Variants in BCAS4 observed in about 807,000 individuals in gnomAD.
BCAS4 encodes the protein breast carcinoma amplified sequence 4, also known as breast carcinoma-amplified sequence 4.
A neutral mutation model predicts 15.7 loss-of-function variants in BCAS4; 9 were observed. That is an observed-to-expected ratio of 0.57 (90% confidence interval 0.34 to 1.00). BCAS4 has a LOEUF of 1.00. BCAS4 is among the 50% of genes least tolerant of loss of function. BCAS4 has a pLI of 0.02. For synonymous variants in BCAS4, 101 were observed against 99.5 expected (o/e 1.02, Z -0.09); for missense variants, 225 against 239.1 (o/e 0.94, Z 0.39).
chr20:50,879,630 C>G (rs1409805831), downstream of BCAS4: 2 of 152,214 alleles, frequency 1.3e-5, no homozygotes, highest in Non-Finnish European at 2.9e-5. Flanking sequence ...AGGCTTCTTT[C>G]TCCTCCCAGC....
chr20:50,867,490 G>A (rs552737757), intron 4 of BCAS4, among the ~76,000 whole-genome samples: 2 of 152,228 alleles, frequency 1.3e-5, no homozygotes, highest in South Asian at 2.1e-4. Flanking sequence ...AGGACTACAG[G>A]TGCATGCCAC....
intron 4 of BCAS4, chr20:50,846,520 G>C (rs1305277373): frequency 1.3e-5 from 2 of 151,524 alleles, no homozygotes; most frequent in Non-Finnish European, 2.9e-5. Flanking sequence ...TTCCGAGATG[G>C]CTTCTCAGTG....
At chr20:50,836,747 C>T (rs1250357942) in intron 3 of BCAS4, among the ~76,000 whole-genome samples, 49 of 152,108 alleles carry the variant, frequency 3.2e-4, no homozygotes, top group Admixed American at 3.1e-3. Flanking sequence ...TTTTTTGAGA[C>T]AAGTTCTCGC....
intron 3 of BCAS4, among the ~76,000 whole-genome samples, chr20:50,833,727 T>C (rs1233182318): frequency 1.3e-5 from 2 of 152,216 alleles, no homozygotes; most frequent in Admixed American, 6.5e-5. Flanking sequence ...CAAATCCTTG[T>C]CGTATTCAAC....
chr20:50,811,672 G>T (rs912080202), intron 1 of BCAS4, among the ~76,000 whole-genome samples: 2 of 152,166 alleles, frequency 1.3e-5, no homozygotes, highest in African/African-American at 4.8e-5. Flanking sequence ...GCCGAGGCTG[G>T]AGTGCAGTGG....
intron 1 of BCAS4, among the ~76,000 whole-genome samples, chr20:50,796,816 A>C (rs1426366692): frequency 6.7e-6 from 1 of 149,710 alleles, no homozygotes; most frequent in Admixed American, 6.7e-5. Context: ...TTTTAAAATA[A>C]TTTTTGAACA....
At chr20:50,852,890 C>T (rs1483175586) in intron 4 of BCAS4, among the ~76,000 whole-genome samples, 2 of 152,146 alleles carry the variant, frequency 1.3e-5, no homozygotes, top group African/African-American at 4.8e-5. Context: ...TCTCCCTGCC[C>T]AGCCTGGCAT....
chr20:50,835,464 G>A (rs1310191488), intron 3 of BCAS4, among the ~76,000 whole-genome samples: 1 of 151,838 alleles, frequency 6.6e-6, no homozygotes, highest in Non-Finnish European at 1.5e-5. Flanking sequence ...CAGGATGGTC[G>A]TGATCTCTTG....
intron 4 of BCAS4, among the ~76,000 whole-genome samples, chr20:50,852,003 A>T (rs1256678166): frequency 6.6e-6 from 1 of 152,110 alleles, no homozygotes; most frequent in Non-Finnish European, 1.5e-5. Flanking sequence ...GAGAGTTCTG[A>T]TGCTGCTGGA....
chr20:50,800,707 A>C (rs1360333564), intron 1 of BCAS4, among the ~76,000 whole-genome samples: 4 of 151,782 alleles, frequency 2.6e-5, no homozygotes, highest in Non-Finnish European at 5.9e-5. Flanking sequence ...GATTACAGGT[A>C]TGCACTACCA....
In BCAS4 at chr20:50,800,850, C is replaced by A. The variant is rs140020216; in HGVS notation, c.90+5677C>A. On this transcript the variant is annotated intron_variant, in intron 1 of 4. Transcript: ENST00000371608. ...GTGTTAGGATTATAGGCATGAGCCACCGCGCCTGGCGAACTTTTGATTTTT... is the reference window on the plus strand; with the variant it reads ...GTGTTAGGATTATAGGCATGAGCCAACGCGCCTGGCGAACTTTTGATTTTT... Among the ~76,000 whole-genome samples, 325 of 152,202 alleles carry A rather than the reference C, an allele frequency of 2.1e-3. 1 individual carries two copies. The highest frequency in any genetic ancestry group is 3.8e-3 in the Non-Finnish European group (257 of 68,016).
rs76538394 is a variant in BCAS4 at position 50,801,293 on chromosome 20, G to T, written c.90+6120G>T. Among the ~76,000 whole-genome samples the T allele has an allele frequency of 5.8e-3, 883 of 152,254 alleles. 6 individuals are homozygous for T. Among genetic ancestry groups the T allele is most frequent in the African/African-American group, 0.021 (855 of 41,560 alleles). ...AATACAAAATTAGTTGTGCGTAGTG[G>T]CAGGTGCCTGTAATCCCAGGTAGTT... On this transcript the variant is annotated intron_variant, in intron 1 of 4. Transcript: ENST00000371608.
chr20:50,848,725 G>T (rs539207438), intron 4 of BCAS4, among the ~76,000 whole-genome samples: 34 of 152,240 alleles, frequency 2.2e-4, no homozygotes, highest in Non-Finnish European at 4.4e-4. Context: ...AGCAGGGCAC[G>T]TGGGTGCCCT....
At chr20:50,867,380 T>TCAA (rs1979412184) in intron 4 of BCAS4, among the ~76,000 whole-genome samples, 2 of 152,200 alleles carry the variant, frequency 1.3e-5, no homozygotes, top group African/African-American at 4.8e-5. Flanking sequence ...AGGGTCTCGT[T>TCAA]CTGTTGCCCA....
At chr20:50,874,733 G>A (rs1979837571) in intron 4 of BCAS4, among the ~76,000 whole-genome samples, 2 of 152,198 alleles carry the variant, frequency 1.3e-5, no homozygotes, top group South Asian at 4.1e-4. Context: ...GGTGTCAAGT[G>A]CAGGGGGAGG....
At position 50,838,731 on chromosome 20, in the gene BCAS4, C is replaced by T. The variant is rs535899867; in HGVS notation, c.265-3035C>T. On this transcript the variant is annotated intron_variant, in intron 3 of 4. Coordinates refer to ENST00000371608, the MANE Select transcript of BCAS4 (RefSeq NM_198799.4). ...TGGTGGTGCTTGCCTGTAATCCCAG[C>T]TACTCAGGAGGCTAAGGCAGGAGAA... 3.3e-5 allele frequency among the ~76,000 whole-genome samples: 5 copies of T among 152,076 alleles called. No homozygotes were observed. In the South Asian group the frequency reaches 1.0e-3, roughly 32 times the overall value.
intron 4 of BCAS4, among the ~76,000 whole-genome samples, chr20:50,865,548 A>G (rs188506756): frequency 1.3e-5 from 2 of 152,318 alleles, no homozygotes; most frequent in Admixed American, 1.3e-4. Context: ...GGAACCTTCC[A>G]GAGCTGCCCC....
chr20:50,840,893 G>A (rs1042570630), intron 3 of BCAS4: 3 of 679,738 alleles, frequency 4.4e-6, no homozygotes, highest in East Asian at 2.7e-5. Context: ...GCAATGGCGC[G>A]ATCTCAGCTC....
chr20:50,869,300 A>G (rs1189106744), intron 4 of BCAS4, among the ~76,000 whole-genome samples: 1 of 152,150 alleles, frequency 6.6e-6, no homozygotes, highest in Non-Finnish European at 1.5e-5. Flanking sequence ...GAGCTCCTCC[A>G]CTTGGCCGGC....
Sources: allele counts gnomAD v4.1 joint callset (sites outside exome capture counted in the v4.1 genomes callset), GRCh38; gene constraint gnomAD v4.1.1; transcripts MANE v1.5; gene names NCBI Gene and HGNC (gene_info 2026-07-23, HGNC 2026-07-21).